Variants in SLC12A6 observed in about 807,000 individuals in gnomAD.
SLC12A6 encodes K-Cl cotransporter 3.
A neutral mutation model predicts 135.3 loss-of-function variants in SLC12A6; 66 were observed. That is an observed-to-expected ratio of 0.49 (90% CI 0.40 to 0.60). The LOEUF is 0.60. SLC12A6 is among the 20% of genes least tolerant of loss of function. SLC12A6 has a pLI of 0.00. For synonymous variants in SLC12A6, 513 were observed against 508.8 expected (o/e 1.01, Z -0.11); for missense variants, 1,058 against 1,452.3 (o/e 0.73, Z 4.41).
intron 2 of SLC12A6, among the ~76,000 whole-genome samples, chr15:34,290,719 C>T (rs986016051): frequency 9.9e-5 from 15 of 152,190 alleles, no homozygotes; most frequent in Admixed American, 3.9e-4. Context: ...GATTCCTTTA[C>T]CATTATGTAA....
Position 34,285,717 on chromosome 15 carries a change from T to TACACACACACACACACACACACACA in SLC12A6, c.272-10329_272-10328insTGTGTGTGTGTGTGTGTGTGTGTGT, listed in dbSNP as rs144158165. Among the ~76,000 whole-genome samples the TACACACACACACACACACACACACA allele has an allele frequency of 6.5e-4, 85 of 131,084 alleles. 1 individual carries two copies. The highest frequency in any genetic ancestry group is 2.4e-3 in the African/African-American group (79 of 33,614). The allele number at this position is 131,084 out of a possible 152,430, so 86.0% of individuals were successfully genotyped here. A position where few individuals can be genotyped will look rare whatever the true frequency, so the allele number is the denominator to read the frequency against. ...ATGTGTGTGTGTGTGTGTGTGTTTG[T>TACACACACACACACACACACACACA]CATACATAAAATGGAATATTATTCA... On this transcript the variant is annotated intron_variant, in intron 2 of 25. Coordinates refer to ENST00000354181, the MANE Select transcript of SLC12A6 (RefSeq NM_001365088.1).
chr15:34,307,019 G>A (rs913180384), intron 2 of SLC12A6, among the ~76,000 whole-genome samples: 1 of 152,174 alleles, frequency 6.6e-6, no homozygotes, highest in Non-Finnish European at 1.5e-5. Flanking sequence ...AAGGAATTAG[G>A]TGAGTGGGGC....
intron 2 of SLC12A6, chr15:34,314,826 T>TAAAAAAA (rs566307709): frequency 5.1e-5 from 7 of 136,034 alleles, no homozygotes; most frequent in African/African-American, 8.1e-5. Context: ...TGACCAGCCT[T>TAAAAAAA]AAAAAAAAAA....
rs748053413 is a variant in SLC12A6 at position 34,257,806 on chromosome 15, G to C, written c.544-18C>G. 3.1e-5 allele frequency: 49 copies of C among 1,570,990 alleles called. No homozygotes were observed. The highest frequency in any genetic ancestry group is 4.2e-5 in the Non-Finnish European group (48 of 1,142,314). ...TGGGGGGTCTAGAAAGAAAGACATTGATAAAAAATCACACAGTTATCCTAA... is the reference window on the plus strand; with the variant it reads ...TGGGGGGTCTAGAAAGAAAGACATTCATAAAAAATCACACAGTTATCCTAA... On this transcript the variant is annotated intron_variant, in intron 5 of 25. Coordinates refer to ENST00000354181, the MANE Select transcript of SLC12A6 (RefSeq NM_001365088.1).
chr15:34,238,420 A>G lies in SLC12A6; in HGVS notation c.2633-19T>C. 2 of 1,602,414 alleles carry G rather than the reference A, an allele frequency of 1.2e-6. No homozygotes were observed. The highest frequency in any genetic ancestry group is 2.2e-5 in the South Asian group (2 of 90,864). On this transcript the variant is annotated intron_variant, in intron 20 of 25. Coordinates refer to ENST00000354181, the MANE Select transcript of SLC12A6 (RefSeq NM_001365088.1). ...ACTGTGCCTAGGGAGAAAAAAGAAT[A>G]AGCAGAGAAGAATCCTTAGGCTTGC... is the stretch of plus-strand genomic sequence containing the variant.
At chr15:34,266,444 A>G (rs376726514) in intron 3 of SLC12A6, among the ~76,000 whole-genome samples, 10 of 152,066 alleles carry the variant, frequency 6.6e-5, no homozygotes, top group African/African-American at 2.2e-4. Context: ...TTTATTTATC[A>G]TTATTATTAT....
chr15:34,319,130 C>CTTTTTTTT (rs926815901), intron 2 of SLC12A6, among the ~76,000 whole-genome samples: 1 of 135,394 alleles, frequency 7.4e-6, no homozygotes, highest in Non-Finnish European at 1.6e-5. Flanking sequence ...GAACAGTTAA[C>CTTTTTTTT]TTTTTTTTTT....
At position 34,250,728 on chromosome 15, in the gene SLC12A6, A is replaced by G. The variant is rs1440310441; in HGVS notation, c.1494T>C (p.Gly498=). ...CAGATCTGTTTGATCCAGCCATGAT[A>G]CCTTTAGAGATAAGGGGGAAAAAAC... ...LVGIFFPSVT[G]IMAGSNRSGD... is the part of the protein sequence containing the mutation. Residue 498 remains glycine (G), a splice_region_variant and synonymous_variant, in exon 12 of 26, where the codon GGT becomes GGC. Transcript: ENST00000354181. The G allele has an allele frequency of 1.3e-6, 2 of 1,573,636 alleles. No individual in the cohort carries two copies. The highest frequency in any genetic ancestry group is 1.7e-6 in the Non-Finnish European group (2 of 1,143,220).
rs1386170769 is a variant in SLC12A6 at position 34,254,387 on chromosome 15, G to A, written c.1079C>T (p.Ala360Val). 6.2e-7 allele frequency: 1 copy of A among 1,613,514 alleles called. No individual in the cohort carries two copies. The highest frequency in any genetic ancestry group is 1.7e-5 in the Admixed American group (1 of 59,994). Residue 360 changes from alanine to valine, a missense_variant, in exon 9 of 26, where the codon GCT becomes GTT. By Grantham distance (64) the Ala-to-Val change is moderately conservative. This residue lies in a region of SLC12A6 where 297 missense variants were observed against 318.5 expected (regional missense o/e 0.93). Coordinates refer to ENST00000354181, the MANE Select transcript of SLC12A6 (RefSeq NM_001365088.1). ...AGCAAAAGAAGACTTGATGGCTCCAGCATAGATGGCCAAGATGGACACAAT... is the reference window on the plus strand; with the variant it reads ...AGCAAAAGAAGACTTGATGGCTCCAACATAGATGGCCAAGATGGACACAAT... ...CVIVSILAIY[A>V]GAIKSSFAPP...
At chr15:34,265,730 T>G (rs1239205835) in intron 3 of SLC12A6, among the ~76,000 whole-genome samples, 1 of 152,232 alleles carries the variant, frequency 6.6e-6, no homozygotes, top group East Asian at 1.9e-4. Context: ...ATAAGCTGGC[T>G]GCAGCACACT....
At chr15:34,309,848 CGTTA>C (rs374764657) in intron 2 of SLC12A6, among the ~76,000 whole-genome samples, 152 of 152,090 alleles carry the variant, frequency 1.0e-3, no homozygotes, top group African/African-American at 2.1e-3. Context: ...TCTAAATTTC[CGTTA>C]GTTAGGCTGG....
At chr15:34,235,509 A>C (rs1165318501) in intron 24 of SLC12A6, among the ~76,000 whole-genome samples, 195 bp from the exon 25 acceptor site, 1 of 145,132 alleles carries the variant, frequency 6.9e-6, no homozygotes, top group Non-Finnish European at 1.5e-5. Flanking sequence ...ATCTCAGCTC[A>C]CAGCAACCTC....
rs1566799702 is a variant in SLC12A6 at position 34,236,795 on chromosome 15, T to C, written c.2955A>G (p.Ala985=). ...TCATCAAAGTGCGCTCGTAAGTATATGCTGATATATCACTGTCATGCTGCC... is the reference window on the plus strand; with the variant it reads ...TCATCAAAGTGCGCTCGTAAGTATACGCTGATATATCACTGTCATGCTGCC... ...VVEMHDSDIS[A]YTYERTLMME... is the part of the protein sequence containing the mutation. Residue 985 remains alanine (A), a synonymous_variant, in exon 23 of 26, where the codon GCA becomes GCG. Coordinates refer to ENST00000354181, the MANE Select transcript of SLC12A6 (RefSeq NM_001365088.1). 1.9e-6 allele frequency: 3 copies of C among 1,607,630 alleles called. No homozygotes were observed. The highest frequency in any genetic ancestry group is 2.2e-5 in the South Asian group (2 of 90,960).
At chr15:34,299,092 C>T (rs1279728781) in intron 2 of SLC12A6, among the ~76,000 whole-genome samples, 1 of 152,096 alleles carries the variant, frequency 6.6e-6, no homozygotes, top group East Asian at 1.9e-4. Flanking sequence ...AATCTGAGTC[C>T]CTCAAAGCAA....
At chr15:34,301,751 A>G (rs1226153552) in intron 2 of SLC12A6, among the ~76,000 whole-genome samples, 1 of 152,210 alleles carries the variant, frequency 6.6e-6, no homozygotes, top group Non-Finnish European at 1.5e-5. Context: ...GTGCTTTGGG[A>G]GGCCAAGGTG....
intron 2 of SLC12A6, chr15:34,299,713 G>C (rs1488260218): frequency 1.3e-5 from 2 of 152,192 alleles, no homozygotes; most frequent in African/African-American, 4.8e-5. Flanking sequence ...AGACATTCAA[G>C]AACATTCATT....
At chr15:34,288,075 T>C (rs1292246836) in intron 2 of SLC12A6, among the ~76,000 whole-genome samples, 1 of 152,236 alleles carries the variant, frequency 6.6e-6, no homozygotes, top group Non-Finnish European at 1.5e-5. Flanking sequence ...TGAATGGTAT[T>C]GCCCAGGTTT....
In SLC12A6 at chr15:34,336,719, C is replaced by G; in HGVS notation, c.-39G>C. 3.2e-6 allele frequency: 5 copies of G among 1,583,026 alleles called. No homozygotes were observed. Among genetic ancestry groups the G allele is most frequent in the Non-Finnish European group, 4.3e-6 (5 of 1,151,720 alleles). On this transcript the variant is annotated 5_prime_UTR_variant, in exon 2 of 26. Coordinates refer to ENST00000354181, the MANE Select transcript of SLC12A6 (RefSeq NM_001365088.1). ...AGAACAAAAAAAGTGGGGGGAACCT[C>G]GCAAAATCTTCCTCTTACGCTAGCT...
At chr15:34,314,543 G>A (rs1888498801) in intron 2 of SLC12A6, among the ~76,000 whole-genome samples, 1 of 152,142 alleles carries the variant, frequency 6.6e-6, no homozygotes, top group Non-Finnish European at 1.5e-5. Context: ...TGCAGCTTAT[G>A]GATCAAGGAA....
Sources: allele counts gnomAD v4.1 joint callset (sites outside exome capture counted in the v4.1 genomes callset), GRCh38; gene constraint gnomAD v4.1.1; regional missense constraint gnomAD v4.1.1; transcripts MANE v1.5; gene names NCBI Gene and HGNC (gene_info 2026-07-23, HGNC 2026-07-21).